The following HORMAD1 variants were observed in gnomAD, a reference collection of about 807,000 sequenced individuals.
The protein encoded by HORMAD1 is HORMA domain containing 1, also known as HORMA domain-containing protein 1.
A neutral mutation model predicts 58.2 loss-of-function variants in HORMAD1; 33 were observed. The ratio of observed to expected loss-of-function variants is 0.57; its 90% CI spans 0.43 to 0.76. The LOEUF (loss-of-function observed/expected upper bound fraction) is 0.76, where lower values mean the gene tolerates loss of function less well. Ranked by LOEUF, HORMAD1 falls within the 30% of genes least tolerant of loss-of-function variation. The pLI is 0.00. For missense variants in HORMAD1, 363 were observed against 462.0 expected, an observed-to-expected ratio of 0.79 and a Z score of 1.96; for synonymous variants, 137 against 144.6, an observed-to-expected ratio of 0.95 and a Z score of 0.38.
intron 3 of HORMAD1, among the ~76,000 whole-genome samples, chr1:150,716,685 C>A (rs1193783545): frequency 6.6e-6 from 1 of 151,068 alleles, no homozygotes; most frequent in Admixed American, 6.6e-5. Context: ...TGAAATGGGC[C>A]GGGCGCGGTG....
chr1:150,698,559 A>ACAT lies in HORMAD1; in HGVS notation c.*92_*94dup. On this transcript the variant is annotated 3_prime_UTR_variant, in exon 15 of 15. Coordinates refer to ENST00000361824, the MANE Select transcript of HORMAD1 (RefSeq NM_032132.5). Reference sequence around the variant, plus strand: ...TTTAGTGTACAAACTGCTTTAAACTACATATACATCTTCAGAGTTAGGGAA... The same window carrying ACAT: ...TTTAGTGTACAAACTGCTTTAAACTACATCATATACATCTTCAGAGTTAGGGAA... 1 of 639,296 alleles carries ACAT rather than the reference A, an allele frequency of 1.6e-6. No homozygotes were observed. The highest frequency in any genetic ancestry group is 2.7e-6 in the Non-Finnish European group (1 of 372,426). The allele number at this position is 639,296 out of a possible 1,614,324, so 39.6% of individuals were successfully genotyped here. A position where few individuals can be genotyped will look rare whatever the true frequency, so the allele number is the denominator to read the frequency against.
intron 3 of HORMAD1, among the ~76,000 whole-genome samples, chr1:150,715,338 G>C (rs946096517): frequency 9.2e-5 from 14 of 151,936 alleles, no homozygotes; most frequent in African/African-American, 3.1e-4. Context: ...AGAACTTAAC[G>C]GGCTATCAAA....
chr1:150,716,112 T>G (rs1355474513), intron 3 of HORMAD1, among the ~76,000 whole-genome samples: 1 of 149,510 alleles, frequency 6.7e-6, no homozygotes, highest in Non-Finnish European at 1.5e-5. Flanking sequence ...GGAGGAACCT[T>G]GAAAACATGC....
chr1:150,714,604 C>A lies in HORMAD1; in HGVS notation c.242+11G>T, dbSNP rs377546333. ...AAATAATTTTCTCTCTTTAGGTATT[C>A]TTTTACTTGCCATTTCACTAACTGT... is the stretch of plus-strand genomic sequence containing the variant. On this transcript the variant is annotated intron_variant, in intron 4 of 14. Coordinates refer to ENST00000361824, the MANE Select transcript of HORMAD1 (RefSeq NM_032132.5). The A allele has an allele frequency of 1.2e-4, 159 of 1,370,866 alleles. No homozygotes were observed. Among genetic ancestry groups the A allele is most frequent in the Non-Finnish European group, 1.5e-4 (153 of 1,002,922 alleles). The allele number at this position is 1,370,866 out of a possible 1,614,324, so 84.9% of individuals were successfully genotyped here.
At chr1:150,708,196 T>C in intron 9 of HORMAD1, 60 bp downstream of exon 9, 1 of 1,297,790 alleles carries the variant, frequency 7.7e-7, no homozygotes, top group Non-Finnish European at 1.0e-6. Flanking sequence ...TGGAAACCAA[T>C]TGTTTCAATA....
At position 150,714,640 on chromosome 1, in the gene HORMAD1, G is replaced by C. The variant is rs1557800205; in HGVS notation, c.217C>G (p.Pro73Ala). 6.6e-7 allele frequency: 1 copy of C among 1,505,580 alleles called. No individual in the cohort carries two copies. The allele number at this position is 1,505,580 out of a possible 1,614,324, so 93.3% of individuals were successfully genotyped here. A position where few individuals can be genotyped will look rare whatever the true frequency, so the allele number is the denominator to read the frequency against. Residue 73 changes from proline to alanine, a missense_variant, in exon 4 of 15, where the codon CCA becomes GCA. Pro to Ala is a conservative substitution (Grantham distance 27). Coordinates refer to ENST00000361824, the MANE Select transcript of HORMAD1 (RefSeq NM_032132.5). ...VKILREDKNC[P>A]GSTQLVKWML... ...CATTTCACTAACTGTGTAGATCCTG[G>C]GCAATTTTTATCTTCTCTCAGTATT... is the stretch of plus-strand genomic sequence containing the variant.
chr1:150,718,290 G>A (rs1490621967), intron 2 of HORMAD1, among the ~76,000 whole-genome samples: 2 of 150,436 alleles, frequency 1.3e-5, no homozygotes, highest in South Asian at 2.1e-4. Context: ...ATATATCCTC[G>A]CACAACCTCT....
chr1:150,710,059 G>A (rs1042258547), intron 7 of HORMAD1, among the ~76,000 whole-genome samples: 5 of 152,112 alleles, frequency 3.3e-5, no homozygotes, highest in African/African-American at 1.2e-4. Context: ...CTCAGAGACC[G>A]GCGCCGGTGC....
chr1:150,709,634 A>G (rs11204710), intron 7 of HORMAD1, among the ~76,000 whole-genome samples: 54,099 of 147,542 alleles, frequency 0.37, 9,456 homozygotes, highest in South Asian at 0.51. Context: ...CCCGACACCC[A>G]TAAAAGGTCT....
At chr1:150,713,969 C>T in intron 5 of HORMAD1, 116 bp downstream of exon 5, 1 of 704,268 alleles carries the variant, frequency 1.4e-6, no homozygotes, top group East Asian at 2.7e-5. Flanking sequence ...TTCAGTAATT[C>T]AGACTGACCT....
chr1:150,706,834 T>C (rs1651711893), intron 9 of HORMAD1, 25 bp from the exon 10 acceptor site: 2 of 1,554,800 alleles, frequency 1.3e-6, no homozygotes, highest in Non-Finnish European at 1.7e-6. Context: ...GTGTAAACTG[T>C]GCTGTTCATG....
chr1:150,713,792 C>A, intron 5 of HORMAD1: 1 of 254,622 alleles, frequency 3.9e-6, no homozygotes, highest in Non-Finnish European at 7.5e-6. Context: ...AATGAATAAA[C>A]TATTTGAAAA....
chr1:150,698,731 G>C lies in HORMAD1; in HGVS notation c.1108C>G (p.Leu370Val). 6.3e-7 allele frequency: 1 copy of C among 1,579,508 alleles called. No homozygotes were observed. The highest frequency in any genetic ancestry group is 1.1e-5 in the South Asian group (1 of 88,004). Residue 370 changes from leucine to valine, a missense_variant, in exon 15 of 15, where the codon CTC (leucine) becomes GTC (valine). By Grantham distance (32) the Leu-to-Val change is conservative. This residue lies in a region of HORMAD1 where 226 missense variants were observed against 257.8 expected (regional missense o/e 0.88). Transcript: ENST00000361824. ...TGACTAGAAGAATCAAAGTGATGGA[G>C]GACCTGTCAAAAGAAAACAACTACT... ...RSQHESGRIV[L>V]HHFDSSSQES...
intron 5 of HORMAD1, among the ~76,000 whole-genome samples, chr1:150,713,283 C>T (rs1453121650): frequency 1.3e-5 from 2 of 152,154 alleles, no homozygotes; most frequent in Non-Finnish European, 2.9e-5. Flanking sequence ...TGTTTTCCTA[C>T]TTTACAAGGG....
Position 150,698,787 on chromosome 1 carries a change from T to G in HORMAD1, c.1105-53A>C. 4 of 1,027,830 alleles carry G rather than the reference T, an allele frequency of 3.9e-6. No homozygotes were observed. The South Asian group carries it at 6.4e-5, about 17-fold the overall frequency. The allele number at this position is 1,027,830 out of a possible 1,614,324, so 63.7% of individuals were successfully genotyped here. A position where few individuals can be genotyped will look rare whatever the true frequency, so the allele number is the denominator to read the frequency against. ...TAGATACTTTCCTGTTTAAATGTCT[T>G]TAATTGTAGATTTTTTCATGTATCT... On this transcript the variant is annotated intron_variant, in intron 14 of 14. Coordinates refer to ENST00000361824, the MANE Select transcript of HORMAD1 (RefSeq NM_032132.5).
intron 13 of HORMAD1, among the ~76,000 whole-genome samples, chr1:150,700,435 G>C (rs1473572190): frequency 6.6e-6 from 1 of 152,058 alleles, no homozygotes; most frequent in African/African-American, 2.4e-5. Context: ...GAGCTACAGT[G>C]CCCAGCTGGA....
At chr1:150,711,685 C>T in intron 6 of HORMAD1, 114 bp from the exon 7 acceptor site, 1 of 966,686 alleles carries the variant, frequency 1.0e-6, no homozygotes, top group South Asian at 1.4e-5. Context: ...TAAAAATGAC[C>T]ACCCAAAATA....
chr1:150,699,561 T>C lies in HORMAD1; in HGVS notation c.1104+551A>G, dbSNP rs1270775177. Among the ~76,000 whole-genome samples, 3 of 151,938 alleles carry C rather than the reference T, an allele frequency of 2.0e-5. No homozygotes were observed. The East Asian group carries it at 5.8e-4, about 29-fold the overall frequency. On this transcript the variant is annotated intron_variant, in intron 14 of 14. Coordinates refer to ENST00000361824, the MANE Select transcript of HORMAD1 (RefSeq NM_032132.5). ...TTTTTTTAAAGACGGAGTCTTGGTC[T>C]GTCGCCAGGCTGTAGTACAGTGGCG...
At chr1:150,706,956 A>G in intron 9 of HORMAD1, 147 bp from the exon 10 acceptor site, 1 of 593,152 alleles carries the variant, frequency 1.7e-6, no homozygotes, top group Non-Finnish European at 2.7e-6. Flanking sequence ...TGCTATGTCC[A>G]AGTCCCCATT....
Sources: gnomAD v4.1 joint callset for allele counts (sites outside exome capture counted in the v4.1 genomes callset) on GRCh38, gnomAD v4.1.1 for gene constraint, gnomAD v4.1.1 regional missense constraint, MANE v1.5 for transcripts, NCBI Gene and HGNC (gene_info 2026-07-23, HGNC 2026-07-21) for gene names.